The following SPAG1 variants were observed in gnomAD, a reference collection of about 807,000 sequenced individuals.
The protein encoded by SPAG1 is sperm-associated antigen 1.
In SPAG1, 69 loss-of-function variants were observed where a neutral mutation model predicts 100.5. The ratio of observed to expected loss-of-function variants is 0.69; its 90% CI spans 0.57 to 0.84. The LOEUF (loss-of-function observed/expected upper bound fraction) is 0.84. Ranked by LOEUF, SPAG1 falls within the 40% of genes least tolerant of loss-of-function variation. SPAG1 has a pLI of 0.00. For synonymous variants in SPAG1, 336 were observed against 411.6 expected (o/e 0.82, Z 2.22); for missense variants, 955 against 1,133.1 (o/e 0.84, Z 2.26).
intron 3 of SPAG1, among the ~76,000 whole-genome samples, chr8:100,170,220 A>G (rs148172159): frequency 2.6e-3 from 403 of 152,232 alleles, no homozygotes; most frequent in Non-Finnish European, 4.0e-3. Context: ...TTTTACAGCA[A>G]TGTCTTATAG....
In SPAG1 at chr8:100,213,094, C is replaced by A; in HGVS notation, c.1101C>A (p.Pro367=). Reference sequence around the variant, plus strand: ...CCCGCATCCACTTCCTCACAGAGCCCGCGGAGCCGGCGGGAGCCGCGCGCG... The same window carrying A: ...CCCGCATCCACTTCCTCACAGAGCCAGCGGAGCCGGCGGGAGCCGCGCGCG... ...KHEDGGGDKK[P]AEPAGAARAA... is the part of the protein sequence containing the mutation. Residue 367 remains proline, a synonymous_variant, in exon 11 of 19, where the codon CCC becomes CCA. Transcript: ENST00000388798. 6.8e-7 allele frequency: 1 copy of A among 1,470,832 alleles called. No individual in the cohort carries two copies. The highest frequency in any genetic ancestry group is 1.3e-5 in the South Asian group (1 of 78,506). The allele number at this position is 1,470,832 out of a possible 1,614,324, so 91.1% of individuals were successfully genotyped here.
At chr8:100,199,365 T>C (rs759317638) in intron 10 of SPAG1, among the ~76,000 whole-genome samples, 1 of 152,262 alleles carries the variant, frequency 6.6e-6, no homozygotes, top group Non-Finnish European at 1.5e-5. Context: ...TAAGAACTAA[T>C]TATGTTGACT....
At chr8:100,175,157 G>A (rs540333004) in intron 3 of SPAG1, among the ~76,000 whole-genome samples, 1 of 151,444 alleles carries the variant, frequency 6.6e-6, no homozygotes, top group South Asian at 2.1e-4. Context: ...CTGGCTTAAT[G>A]GCTTTTTCTA....
In SPAG1 at chr8:100,177,910, G is replaced by A. The variant is rs545486340; in HGVS notation, c.395G>A (p.Arg132His). The change falls in exon 4 of 19, where the codon CGT (arginine) becomes CAT (histidine). Residue 132 changes from arginine to histidine, a missense_variant. Arg to His is a conservative substitution (Grantham distance 29, BLOSUM62 0). Coordinates refer to ENST00000388798, the MANE Select transcript of SPAG1 (RefSeq NM_003114.5). ...PAMKDNLPPVRGSNSCLHVGK... is the reference protein window; with the variant it reads ...PAMKDNLPPVHGSNSCLHVGK... The stretch of plus-strand genomic sequence containing the variant: ...ATGAAAGATAATTTGCCTCCAGTTC[G>A]TGGTTCAAACAGCTGTCTTCATGTA... 2.8e-5 allele frequency: 45 copies of A among 1,612,532 alleles called. No homozygotes were observed. The highest frequency in any genetic ancestry group is 4.5e-5 in the East Asian group (2 of 44,866).
At chr8:100,224,942 A>G (rs995408552) in intron 13 of SPAG1, among the ~76,000 whole-genome samples, 3 of 152,194 alleles carry the variant, frequency 2.0e-5, no homozygotes, top group Non-Finnish European at 2.9e-5. Context: ...TAACAAATTA[A>G]AAATGTCTTT....
chr8:100,214,990 T>C (rs1294312381), intron 12 of SPAG1, among the ~76,000 whole-genome samples: 11 of 60 alleles, frequency 0.18, no homozygotes, highest in Admixed American at 0.3. Flanking sequence ...ACTTTACTCA[T>C]ATATATATAT....
At chr8:100,215,254 G>A (rs190103209) in intron 12 of SPAG1, among the ~76,000 whole-genome samples, 20 of 151,416 alleles carry the variant, frequency 1.3e-4, no homozygotes, top group Admixed American at 2.6e-4. Context: ...ATAGTCACCC[G>A]TGGTACTCAA....
chr8:100,162,527 C>A, intron 2 of SPAG1, 107 bp downstream of exon 2: 1 of 890,348 alleles, frequency 1.1e-6, no homozygotes, highest in Non-Finnish European at 1.7e-6. Context: ...TTTGCCCATG[C>A]ATGGTAGGTC....
intron 12 of SPAG1, among the ~76,000 whole-genome samples, chr8:100,215,210 C>G (rs1817923150): frequency 6.6e-6 from 1 of 151,522 alleles, no homozygotes; most frequent in African/African-American, 2.4e-5. Flanking sequence ...CTGAGGAACC[C>G]TGTCTTATAC....
chr8:100,166,385 A>C, intron 3 of SPAG1, among the ~76,000 whole-genome samples: 1 of 151,826 alleles, frequency 6.6e-6, no homozygotes, highest in Non-Finnish European at 1.5e-5. Context: ...CAGCCTCCCG[A>C]GCAGCTGGGA....
intron 3 of SPAG1, among the ~76,000 whole-genome samples, chr8:100,172,832 A>G (rs538099564): frequency 1.7e-4 from 26 of 152,168 alleles, no homozygotes; most frequent in South Asian, 4.1e-4. Context: ...TGTATTCTGT[A>G]ACTTAGAATG....
chr8:100,202,812 C>T (rs1817345771), intron 10 of SPAG1, among the ~76,000 whole-genome samples: 1 of 148,260 alleles, frequency 6.7e-6, no homozygotes, highest in African/African-American at 2.5e-5. Flanking sequence ...TGTGTCTTTC[C>T]TTATGCCAAT....
intron 1 of SPAG1, among the ~76,000 whole-genome samples, chr8:100,159,922 C>T (rs915820624): frequency 2.0e-5 from 3 of 152,086 alleles, no homozygotes; most frequent in Admixed American, 6.6e-5. Context: ...TATTAATATC[C>T]TTTATGAGAG....
At chr8:100,193,761 TAAAC>T (rs56225795) in intron 9 of SPAG1, among the ~76,000 whole-genome samples, 43,377 of 151,932 alleles carry the variant, frequency 0.29, 7,690 homozygotes, top group East Asian at 0.51. Flanking sequence ...ATATTTTAAA[TAAAC>T]AAACAGCGTA....
At chr8:100,224,214 A>G (rs1433047194) in intron 13 of SPAG1, among the ~76,000 whole-genome samples, 1 of 152,182 alleles carries the variant, frequency 6.6e-6, no homozygotes, top group Admixed American at 6.5e-5. Flanking sequence ...CCCTTGTAGT[A>G]GAATCTAGTA....
At chr8:100,181,366 T>A (rs1808052771) in intron 4 of SPAG1, among the ~76,000 whole-genome samples, 1 of 152,192 alleles carries the variant, frequency 6.6e-6, no homozygotes, top group African/African-American at 2.4e-5. Context: ...AAGGGGGATA[T>A]TTTTTGTCAC....
At chr8:100,215,681 T>C (rs868657874) in intron 12 of SPAG1, among the ~76,000 whole-genome samples, 10 of 152,298 alleles carry the variant, frequency 6.6e-5, no homozygotes, top group African/African-American at 1.7e-4. Context: ...CCCGCCACCA[T>C]GCCCGGCTAA....
At chr8:100,168,687 C>CTTTT (rs747506730) in intron 3 of SPAG1, among the ~76,000 whole-genome samples, 46 of 95,620 alleles carry the variant, frequency 4.8e-4, no homozygotes, top group South Asian at 7.5e-4. Context: ...GCCCAGCCAT[C>CTTTT]TTTTTTTTTT....
chr8:100,174,642 A>C (rs1409834337), intron 3 of SPAG1, among the ~76,000 whole-genome samples: 2 of 152,224 alleles, frequency 1.3e-5, no homozygotes, highest in African/African-American at 4.8e-5. Flanking sequence ...GAAAGAAGTC[A>C]AAAACAGTCT....
Sources: allele counts gnomAD v4.1 joint callset (sites outside exome capture counted in the v4.1 genomes callset), GRCh38; gene constraint gnomAD v4.1.1; transcripts MANE v1.5; gene names NCBI Gene and HGNC (gene_info 2026-07-23, HGNC 2026-07-21).